IFT74: variants seen among roughly 807,000 people sequenced by gnomAD.
IFT74 encodes intraflagellar transport protein 74 homolog.
A neutral mutation model predicts 96.7 loss-of-function variants in IFT74; 92 were observed. That is an observed-to-expected ratio of 0.95 (90% confidence interval 0.80 to 1.13). IFT74 has a LOEUF of 1.13. Among genes scored for constraint, IFT74 ranks in the 50% most tolerant of loss-of-function variants. The pLI is 0.00. For missense variants in IFT74, 811 were observed against 698.2 expected (o/e 1.16, Z -1.82); for synonymous variants, 223 against 213.2 (o/e 1.05, Z -0.40).
chr9:26,956,280 A>C (rs1191486711), upstream of IFT74: 1 of 152,274 alleles, frequency 6.6e-6, no homozygotes, highest in African/African-American at 2.4e-5. Context: ...AGCGTGGTGA[A>C]GAAACAAACA....
In IFT74 at chr9:27,009,045, G is replaced by T. The variant is rs756024765; in HGVS notation, c.613G>T (p.Glu205Ter). Residue 205 changes from glutamate to a stop codon, truncating the protein, a stop_gained, in exon 9 of 20, where the codon GAA becomes TAA. Coordinates refer to ENST00000380062, the MANE Select transcript of IFT74 (RefSeq NM_025103.4). LOFTEE classifies it high-confidence loss of function. Reference protein sequence around the residue: ...QAKEKQIRSVEEEIEQEKQAT... With the variant: ...QAKEKQIRSV ...GAAAGAAAAACAAATCAGAAGTGTC[G>T]AAGAAGAAATTGAACAGGAAAAACA... 7 of 1,612,638 alleles carry T rather than the reference G, an allele frequency of 4.3e-6. No individual in the cohort carries two copies. Among genetic ancestry groups the T allele is most frequent in the Non-Finnish European group, 5.9e-6 (7 of 1,179,168 alleles).
intron 13 of IFT74, among the ~76,000 whole-genome samples, chr9:27,035,870 ATGTAGT>A (rs1213222880): frequency 2.6e-5 from 4 of 152,218 alleles, no homozygotes; most frequent in Non-Finnish European, 4.4e-5. Context: ...AAAATTTAAA[ATGTAGT>A]TGACCCTTCA....
intron 2 of IFT74, among the ~76,000 whole-genome samples, chr9:26,968,060 T>A (rs1826702573): frequency 1.4e-5 from 2 of 143,130 alleles, no homozygotes; most frequent in South Asian, 4.4e-4. Flanking sequence ...TCTTCATATG[T>A]CTTGTCTTTT....
At chr9:27,047,470 C>T in intron 15 of IFT74, 99 bp downstream of exon 15, 1 of 613,020 alleles carries the variant, frequency 1.6e-6, no homozygotes, top group East Asian at 3.1e-5. Context: ...ATTGTATCTT[C>T]TCATTTAACT....
At chr9:26,948,448 A>ATTATTATTTTTTTTTTTTTTT (rs1825819541) in intron 1 of IFT74, among the ~76,000 whole-genome samples, 2 of 59,162 alleles carry the variant, frequency 3.4e-5, no homozygotes, top group Non-Finnish European at 7.7e-5. Flanking sequence ...GCTTTCCATT[A>ATTATTATTTTTTTTTTTTTTT]TTTTTTTTTT....
chr9:27,048,380 C>CCTAT (rs1213380794), intron 16 of IFT74, 106 bp downstream of exon 16: 8 of 711,742 alleles, frequency 1.1e-5, no homozygotes, highest in Non-Finnish European at 2.2e-6. Context: ...TTTATGATTG[C>CCTAT]CTATTGCCCC....
chr9:26,984,205 A>G (rs1192308206), intron 4 of IFT74, 52 bp from the exon 5 acceptor site: 1 of 1,436,104 alleles, frequency 7.0e-7, no homozygotes, highest in Non-Finnish European at 9.4e-7. Context: ...TTGCTTAACT[A>G]GAGTTTTCTG....
rs71510411 is a variant in IFT74 at position 27,064,400 on chromosome 9, G to A, written c.*1664G>A. 0.19 allele frequency among the ~76,000 whole-genome samples: 28,980 copies of A among 152,046 alleles called. 3,635 individuals are homozygous for A. Among genetic ancestry groups the A allele is most frequent in the Non-Finnish European group, 0.26 (17,882 of 67,864 alleles). On this transcript the variant is annotated 3_prime_UTR_variant, in exon 20 of 20. Transcript: ENST00000380062. ...GAAAAAAACTCTTTTAGCAGTTAAAGAGAATGAAATCTGAAATTCAGTAGA... is the reference window on the plus strand; with the variant it reads ...GAAAAAAACTCTTTTAGCAGTTAAAAAGAATGAAATCTGAAATTCAGTAGA...
intron 4 of IFT74, among the ~76,000 whole-genome samples, chr9:26,981,278 A>G (rs1201667994): frequency 6.6e-6 from 1 of 152,140 alleles, no homozygotes; most frequent in African/African-American, 2.4e-5. Flanking sequence ...ACAGAGTCTC[A>G]CTCTGTTGCC....
At chr9:26,987,224 G>A (rs1344419102) in intron 6 of IFT74, among the ~76,000 whole-genome samples, 1 of 151,642 alleles carries the variant, frequency 6.6e-6, no homozygotes. Context: ...TACAGGTGCG[G>A]TCCTGAGTAG....
intron 2 of IFT74, among the ~76,000 whole-genome samples, chr9:26,966,451 C>T (rs1320826118): frequency 6.6e-6 from 1 of 151,938 alleles, no homozygotes; most frequent in Non-Finnish European, 1.5e-5. Context: ...TTTCGTATAC[C>T]TGTTTGACGT....
chr9:26,975,931 A>T (rs529679864), intron 2 of IFT74, among the ~76,000 whole-genome samples: 1 of 151,826 alleles, frequency 6.6e-6, no homozygotes, highest in Admixed American at 6.6e-5. Context: ...TGACCACGGG[A>T]CCGTGCAGAT....
intron 8 of IFT74, among the ~76,000 whole-genome samples, chr9:27,007,815 G>T (rs1481844377): frequency 1.3e-5 from 2 of 152,196 alleles, no homozygotes; most frequent in Non-Finnish European, 2.9e-5. Context: ...ACTCAAAATA[G>T]AAATTAATGA....
intron 1 of IFT74, among the ~76,000 whole-genome samples, chr9:26,950,240 A>C (rs1670040051): frequency 6.7e-6 from 1 of 149,746 alleles, no homozygotes. Context: ...TGAACCCGGG[A>C]GGGGGAGGTT....
At chr9:26,982,685 C>T (rs1445429536) in intron 4 of IFT74, among the ~76,000 whole-genome samples, 1 of 152,038 alleles carries the variant, frequency 6.6e-6, no homozygotes, top group Non-Finnish European at 1.5e-5. Flanking sequence ...GAACTCCCAA[C>T]CTCAGGTGAT....
At chr9:27,011,313 TGTATG>T (rs1829060716) in intron 9 of IFT74, among the ~76,000 whole-genome samples, 1 of 151,988 alleles carries the variant, frequency 6.6e-6, no homozygotes, top group Non-Finnish European at 1.5e-5. Flanking sequence ...TAGTTAATCT[TGTATG>T]GGATAATGAA....
chr9:26,999,977 C>T (rs929972970), intron 8 of IFT74, among the ~76,000 whole-genome samples: 8 of 152,036 alleles, frequency 5.3e-5, no homozygotes, highest in African/African-American at 1.9e-4. Context: ...CCATGTGTTA[C>T]TCAGCCTGGT....
intron 16 of IFT74, among the ~76,000 whole-genome samples, chr9:27,052,802 G>A (rs1245978411): frequency 6.6e-6 from 1 of 152,078 alleles, no homozygotes; most frequent in Non-Finnish European, 1.5e-5. Context: ...AACACCATGA[G>A]AGGTTTATAA....
chr9:27,019,911 T>C (rs567484654), intron 12 of IFT74, among the ~76,000 whole-genome samples: 2 of 152,290 alleles, frequency 1.3e-5, no homozygotes, highest in Admixed American at 6.5e-5. Flanking sequence ...ATACATTTAT[T>C]TGAAATTTGT....
Sources: allele counts gnomAD v4.1 joint callset (sites outside exome capture counted in the v4.1 genomes callset), GRCh38; gene constraint gnomAD v4.1.1; transcripts MANE v1.5; gene names NCBI Gene and HGNC (gene_info 2026-07-23, HGNC 2026-07-21).